Variants in DMD observed in about 807,000 individuals in gnomAD.
DMD encodes the protein mutant dystrophin.
A neutral mutation model predicts 330.1 loss-of-function variants in DMD; 63 were observed. The observed-to-expected ratio is 0.19, with a 90% CI of 0.16 to 0.24. The LOEUF (loss-of-function observed/expected upper bound fraction) is 0.24, where lower values mean the gene tolerates loss of function less well. Among genes scored for constraint, DMD ranks in the 10% least tolerant of loss-of-function variants. DMD has a pLI of 1.00. For synonymous variants in DMD, 1,223 were observed against 959.8 expected, an observed-to-expected ratio of 1.27 and a Z score of -5.07; for missense variants, 3,344 against 2,684.1, an observed-to-expected ratio of 1.25 and a Z score of -5.43.
chrX:33,259,569 G>A (rs974118483), intron 1 of DMD, among the ~76,000 whole-genome samples: 2 of 97,149 alleles, frequency 2.1e-5, no homozygotes, highest in Non-Finnish European at 4.1e-5. Context: ...TGCTCAACTG[G>A]TAAGTGTAAT....
chrX:31,613,974 T>G (rs2078064123), intron 55 of DMD, among the ~76,000 whole-genome samples: 1 of 112,123 alleles, frequency 8.9e-6, no homozygotes, highest in Non-Finnish European at 1.9e-5. Context: ...TAGGGTTGTC[T>G]AATCAATGCA....
At chrX:31,707,229 C>G (rs1311673853) in intron 52 of DMD, among the ~76,000 whole-genome samples, 1 of 110,415 alleles carries the variant, frequency 9.1e-6, no homozygotes, top group Non-Finnish European at 1.9e-5. Context: ...AAAACCAAAG[C>G]TGAAATAGCT....
At chrX:31,249,857 A>G (rs1245137609) in intron 63 of DMD, among the ~76,000 whole-genome samples, 1 of 111,647 alleles carries the variant, frequency 9.0e-6, no homozygotes, top group African/African-American at 3.3e-5. Context: ...TATCACTAAT[A>G]GCAATTATAA....
chrX:32,722,268 C>A (rs2066406232), intron 7 of DMD, among the ~76,000 whole-genome samples: 1 of 109,361 alleles, frequency 9.1e-6, no homozygotes, highest in South Asian at 3.9e-4. Flanking sequence ...CAGAAATAAT[C>A]AAAAATAGAA....
chrX:32,889,506 G>A (rs1001152770), intron 2 of DMD, among the ~76,000 whole-genome samples: 1 of 110,504 alleles, frequency 9.0e-6, no homozygotes, highest in Non-Finnish European at 1.9e-5. Flanking sequence ...CCTGTGACCT[G>A]CCCTTATACA....
At chrX:33,294,562 T>C (rs1268508638) in intron 1 of DMD, among the ~76,000 whole-genome samples, 1 of 110,786 alleles carries the variant, frequency 9.0e-6, no homozygotes. Context: ...GGATTTAGAC[T>C]TTGCATTTGT....
chrX:31,149,837 T>A (rs1334319595), intron 74 of DMD, among the ~76,000 whole-genome samples: 1 of 112,024 alleles, frequency 8.9e-6, no homozygotes, highest in Non-Finnish European at 1.9e-5. Context: ...TAACCCATAG[T>A]CATTTAGGAG....
At chrX:32,248,892 A>G (rs73460052) in intron 43 of DMD, among the ~76,000 whole-genome samples, 2 of 111,582 alleles carry the variant, frequency 1.8e-5, no homozygotes, top group African/African-American at 6.5e-5. Context: ...AATCATTATG[A>G]AATAATAGGA....
chrX:33,305,333 C>G (rs181536938), intron 1 of DMD, among the ~76,000 whole-genome samples: 1 of 102,418 alleles, frequency 9.8e-6, no homozygotes, highest in African/African-American at 3.6e-5. Flanking sequence ...AACCAAACAC[C>G]GCATGTTCTC....
intron 51 of DMD, among the ~76,000 whole-genome samples, chrX:31,752,304 CTGTT>C (rs769463080): frequency 1.3e-3 from 146 of 111,738 alleles, no homozygotes; most frequent in African/African-American, 4.7e-3. Context: ...GCATGAGAAG[CTGTT>C]TGTCACAATG....
At position 32,844,803 on chromosome X, in the gene DMD, G is replaced by A. The variant is rs772546251; in HGVS notation, c.244C>T (p.Arg82Trp). Residue 82 changes from arginine to tryptophan, a missense_variant, in exon 4 of 79, where the codon CGG becomes TGG. Physicochemically the swap from Arg to Trp is moderately radical, Grantham distance 101 (BLOSUM62 -3). Transcript: ENST00000357033. Reference protein sequence around the residue: ...HALNNVNKALRVLQNNNVDLV... With the variant: ...HALNNVNKALWVLQNNNVDLV... ...CTTACATTATTGTTCTGCAAAACCC[G>A]CAGTGCCTTGTTGACATTGTTCAGG... 11 of 1,208,947 alleles carry A rather than the reference G, an allele frequency of 9.1e-6. No homozygotes were observed. Among genetic ancestry groups the A allele is most frequent in the Admixed American group, 8.7e-5 (4 of 45,749 alleles).
intron 2 of DMD, among the ~76,000 whole-genome samples, chrX:32,971,021 G>A (rs928419432): frequency 1.0e-4 from 11 of 110,289 alleles, no homozygotes; most frequent in Admixed American, 3.9e-4. Flanking sequence ...GAGTGCAGTG[G>A]CGCAATTTCG....
Position 32,472,248 on chromosome X carries a change from G to T in DMD, c.2865C>A (p.Val955=). 8.3e-7 allele frequency: 1 copy of T among 1,210,684 alleles called. No homozygotes were observed. Among genetic ancestry groups the T allele is most frequent in the East Asian group, 3.0e-5 (1 of 33,788 alleles). The change falls in exon 22 of 79, where the codon GTC becomes GTA. Residue 955 remains valine (V), a synonymous_variant. Transcript: ENST00000357033. ...TGGAGAGTTTGGTTTCTGACTGCTG[G>T]ACCCATGTCCTGATGGCACTCATGG... ...QETMSAIRTW[V]QQSETKLSIP... is the part of the protein sequence containing the mutation.
intron 44 of DMD, among the ~76,000 whole-genome samples, chrX:32,060,891 C>T (rs1484448813): frequency 9.0e-6 from 1 of 110,959 alleles, no homozygotes; most frequent in East Asian, 2.9e-4. Flanking sequence ...GGTGCAAATC[C>T]CAACTGCAGC....
At chrX:32,662,964 C>T (rs981846595) in intron 9 of DMD, among the ~76,000 whole-genome samples, 1 of 111,983 alleles carries the variant, frequency 8.9e-6, no homozygotes, top group African/African-American at 3.2e-5. Context: ...TCCAACAGAC[C>T]TCAAAGTCCT....
intron 52 of DMD, among the ~76,000 whole-genome samples, chrX:31,681,790 A>G (rs1010427516): frequency 8.0e-5 from 9 of 113,188 alleles, no homozygotes; most frequent in African/African-American, 2.6e-4. Context: ...ATGTGAAGTT[A>G]TAAGTTAAAG....
At chrX:32,196,813 G>A (rs778977210) in intron 44 of DMD, among the ~76,000 whole-genome samples, 70 of 108,641 alleles carry the variant, frequency 6.4e-4, no homozygotes, top group South Asian at 1.6e-3. Context: ...GTGAAACCCC[G>A]TCTCTACTAA....
chrX:32,060,751 T>C (rs997229712), intron 44 of DMD, among the ~76,000 whole-genome samples: 1 of 111,565 alleles, frequency 9.0e-6, no homozygotes, highest in Admixed American at 9.6e-5. Flanking sequence ...AGGAAGGAGA[T>C]AATTTGTGAC....
rs2068041236 is a variant in DMD at position 31,479,091 on chromosome X, C to T, written c.8560G>A (p.Glu2854Lys). Residue 2854 changes from glutamate (E) to lysine (K), a missense_variant, in exon 58 of 79, where the codon GAA (glutamate) becomes AAA (lysine). Transcript: ENST00000357033. ...QNDVHRAFKR[E>K]LKTKEPVIMS... ...ATTACAGGTTCTTTAGTTTTCAATT[C>T]CCTCTTGAAGGCCTGTGAAATGAGA... is the stretch of plus-strand genomic sequence containing the variant. The T allele has an allele frequency of 5.0e-6, 6 of 1,208,555 alleles. No homozygotes were observed. Among genetic ancestry groups the T allele is most frequent in the Non-Finnish European group, 5.6e-6 (5 of 894,307 alleles).
Sources: gnomAD v4.1 joint callset for allele counts (sites outside exome capture counted in the v4.1 genomes callset) on GRCh38, gnomAD v4.1.1 for gene constraint, MANE v1.5 for transcripts, NCBI Gene and HGNC (gene_info 2026-07-23, HGNC 2026-07-21) for gene names.